Variants in SIDT1 observed in about 807,000 individuals in gnomAD.
The protein encoded by SIDT1 is SID1 transmembrane family, member 1.
A neutral mutation model predicts 107.5 loss-of-function variants in SIDT1; 101 were observed. The observed-to-expected ratio is 0.94, with a 90% CI of 0.80 to 1.11. SIDT1 has a LOEUF of 1.11. SIDT1 is among the 50% of genes least tolerant of loss of function. SIDT1 has a pLI of 0.00. For synonymous variants in SIDT1, 395 were observed against 398.2 expected, an observed-to-expected ratio of 0.99 and a Z score of 0.10; for missense variants, 1,076 against 1,058.2, an observed-to-expected ratio of 1.02 and a Z score of -0.23.
chr3:113,581,610 C>T, intron 6 of SIDT1, 166 bp downstream of exon 6: 1 of 601,810 alleles, frequency 1.7e-6, no homozygotes, highest in East Asian at 2.9e-5. Context: ...CAGTGGCTCA[C>T]ACCTGTAATC....
At chr3:113,597,445 C>T (rs1431131209) in intron 10 of SIDT1, among the ~76,000 whole-genome samples, 12 of 142,524 alleles carry the variant, frequency 8.4e-5, no homozygotes, top group African/African-American at 1.6e-4. Context: ...TGCAATGAGC[C>T]GAGATCATGC....
chr3:113,571,400 A>G lies in SIDT1; in HGVS notation c.515+3690A>G, dbSNP rs553866495. ...CCACTGCACTCTAGGCTGAGCAACA[A>G]AATGAGACCCCATCTCTGCAAAATT... is the stretch of plus-strand genomic sequence containing the variant. On this transcript the variant is annotated intron_variant, in intron 3 of 24. Transcript: ENST00000264852. Among the ~76,000 whole-genome samples, 3 of 152,296 alleles carry G rather than the reference A, an allele frequency of 2.0e-5. No homozygotes were observed. In the South Asian group the frequency reaches 6.2e-4, roughly 32 times the overall value.
intron 20 of SIDT1, among the ~76,000 whole-genome samples, chr3:113,617,955 C>T (rs1356867626): frequency 6.6e-6 from 1 of 152,156 alleles, no homozygotes; most frequent in African/African-American, 2.4e-5. Context: ...GTAAAGTTTA[C>T]GTTACATTAA....
At chr3:113,550,643 A>G (rs1283244313) in intron 1 of SIDT1, among the ~76,000 whole-genome samples, 1 of 152,220 alleles carries the variant, frequency 6.6e-6, no homozygotes. Flanking sequence ...TCGCTAAAAG[A>G]AACATGTAAA....
chr3:113,613,588 A>G (rs1020624445), intron 19 of SIDT1, among the ~76,000 whole-genome samples: 1 of 152,232 alleles, frequency 6.6e-6, no homozygotes, highest in Non-Finnish European at 1.5e-5. Flanking sequence ...TCCCCCAGTT[A>G]CTTGAGCCAG....
intron 3 of SIDT1, among the ~76,000 whole-genome samples, chr3:113,571,408 C>A (rs761705471): frequency 7.0e-4 from 106 of 151,992 alleles, no homozygotes; most frequent in Non-Finnish European, 9.0e-4. Context: ...CAAAATGAGA[C>A]CCCATCTCTG....
At chr3:113,630,991 G>C (rs1056552490), downstream of SIDT1, among the ~76,000 whole-genome samples, 1 of 152,128 alleles carries the variant, frequency 6.6e-6, no homozygotes, top group Non-Finnish European at 1.5e-5. Flanking sequence ...ACTGCCCACA[G>C]CTGTTCAGCC....
intron 17 of SIDT1, 89 bp from the exon 18 acceptor site, chr3:113,610,919 T>A: frequency 6.8e-7 from 1 of 1,464,304 alleles, no homozygotes. Context: ...AAGTGAGGGG[T>A]ACTCAGAGTC....
At chr3:113,626,876 G>A (rs958048419) in intron 24 of SIDT1, among the ~76,000 whole-genome samples, 10 of 152,088 alleles carry the variant, frequency 6.6e-5, no homozygotes, top group Non-Finnish European at 1.5e-4. Context: ...CTAGACTCCC[G>A]GGCTCCAGAC....
chr3:113,567,787 G>A, intron 3 of SIDT1, 77 bp downstream of exon 3: 1 of 1,424,068 alleles, frequency 7.0e-7, no homozygotes, highest in Admixed American at 1.9e-5. Flanking sequence ...CATCCTTACA[G>A]ACTGGTACTC....
chr3:113,597,301 A>G (rs1944632278), intron 10 of SIDT1, among the ~76,000 whole-genome samples: 2 of 152,076 alleles, frequency 1.3e-5, no homozygotes, highest in Admixed American at 6.5e-5. Context: ...GATTGAGACC[A>G]TCCTGGCCAA....
At chr3:113,580,872 GTT>G (rs1260089503) in intron 5 of SIDT1, among the ~76,000 whole-genome samples, 163 bp downstream of exon 5, 1 of 152,188 alleles carries the variant, frequency 6.6e-6, no homozygotes, top group Non-Finnish European at 1.5e-5. Context: ...GGCAGACTGT[GTT>G]TGCAGACACT....
At chr3:113,552,819 C>T (rs190401085) in intron 1 of SIDT1, among the ~76,000 whole-genome samples, 67 of 152,314 alleles carry the variant, frequency 4.4e-4, no homozygotes, top group African/African-American at 1.5e-3. Context: ...GTCCTGTATC[C>T]GGCCCCTTTG....
At chr3:113,610,409 C>T (rs1410796728) in intron 17 of SIDT1, among the ~76,000 whole-genome samples, 1 of 152,208 alleles carries the variant, frequency 6.6e-6, no homozygotes, top group African/African-American at 2.4e-5. Flanking sequence ...TACTGTCAGA[C>T]ACTTAAAGTT....
At chr3:113,559,048 T>C (rs965038932) in intron 1 of SIDT1, among the ~76,000 whole-genome samples, 2 of 152,254 alleles carry the variant, frequency 1.3e-5, no homozygotes, top group African/African-American at 4.8e-5. Flanking sequence ...TAGCATTTCA[T>C]TGCATGAATA....
intron 18 of SIDT1, among the ~76,000 whole-genome samples, 198 bp downstream of exon 18, chr3:113,611,342 A>C (rs1945725419): frequency 6.6e-6 from 1 of 152,026 alleles, no homozygotes; most frequent in African/African-American, 2.4e-5. Context: ...TTAGTTATTT[A>C]GTTTTTTTGT....
rs2107534094 is a variant in SIDT1, at chr3:113,532,666, G to C, written c.-356G>C. 4.1e-6 allele frequency: 1 copy of C among 242,972 alleles called. No homozygotes were observed. 15.1% of individuals were successfully genotyped at this position (242,972 alleles called of 1,614,324 possible). The stretch of plus-strand genomic sequence containing the variant: ...ATGCCTTTTTATTATTGCTGTTATT[G>C]AGGTTGAGGGAGAAGAGATCGGTCT... On this transcript the variant is annotated 5_prime_UTR_variant, in exon 1 of 25. The change abolishes the stop of an existing upstream ORF in the 5' untranslated region. Transcript: ENST00000264852.
At position 113,605,060 on chromosome 3, in the gene SIDT1, A is replaced by G. The variant is rs942284896; in HGVS notation, c.1404+84A>G. The G allele has an allele frequency of 3.5e-6, 5 of 1,446,482 alleles. No individual in the cohort carries two copies. In the African/African-American group the frequency reaches 4.2e-5, roughly 12 times the overall value. The allele number at this position is 1,446,482 out of a possible 1,614,324, so 89.6% of individuals were successfully genotyped here. On this transcript the variant is annotated intron_variant, in intron 14 of 24. Coordinates refer to ENST00000264852, the MANE Select transcript of SIDT1 (RefSeq NM_017699.3). ...TCCACTGTGACTGACAGAGAGAGGT[A>G]CAACTTAGGATCCATTCAGGAATTT...
intron 1 of SIDT1, among the ~76,000 whole-genome samples, chr3:113,561,520 A>C (rs766148560): frequency 5.9e-5 from 9 of 152,156 alleles, no homozygotes; most frequent in Non-Finnish European, 1.2e-4. Flanking sequence ...AGCCTCAAGA[A>C]ACACCAGCTT....
Sources: gnomAD v4.1 joint callset for allele counts (sites outside exome capture counted in the v4.1 genomes callset) on GRCh38, gnomAD v4.1.1 for gene constraint, MANE v1.5 for transcripts, NCBI Gene and HGNC (gene_info 2026-07-23, HGNC 2026-07-21) for gene names.